REDIC1: variants seen among roughly 807,000 people sequenced by gnomAD.
REDIC1 encodes the protein HEI10 Interacting Protein 1.
chr12:39,637,815 G>A, the REDIC1 span, among the ~76,000 whole-genome samples: 1 of 151,774 alleles, frequency 6.6e-6, no homozygotes, highest in Non-Finnish European at 1.5e-5. Context: ...TACTACTTAG[G>A]GAATATAGTC....
the REDIC1 span, among the ~76,000 whole-genome samples, chr12:39,827,071 T>C: frequency 6.6e-6 from 1 of 151,816 alleles, no homozygotes; most frequent in South Asian, 2.1e-4. Context: ...TGTCCTCCTG[T>C]ATTTACCAAC....
the REDIC1 span, among the ~76,000 whole-genome samples, chr12:39,703,841 A>G: frequency 2.0e-5 from 3 of 152,326 alleles, no homozygotes; most frequent in East Asian, 5.8e-4. Flanking sequence ...TTCCCTATTT[A>G]ATAAATGGTG....
At chr12:39,713,823 A>G in the REDIC1 span, among the ~76,000 whole-genome samples, 2 of 146,812 alleles carry the variant, frequency 1.4e-5, no homozygotes, top group African/African-American at 4.9e-5. Flanking sequence ...ATATACGTGT[A>G]TACATGTATA....
At chr12:39,897,459 T>C in the REDIC1 span, among the ~76,000 whole-genome samples, 2 of 152,128 alleles carry the variant, frequency 1.3e-5, no homozygotes, top group Non-Finnish European at 2.9e-5. Context: ...GATGCAGATG[T>C]TTCAATGTTT....
At chr12:39,887,020 G>C in the REDIC1 span, among the ~76,000 whole-genome samples, 1 of 152,112 alleles carries the variant, frequency 6.6e-6, no homozygotes, top group Non-Finnish European at 1.5e-5. Flanking sequence ...TAACTCAACA[G>C]AATAGCTCTA....
At chr12:39,674,226 C>A in the REDIC1 span, among the ~76,000 whole-genome samples, 2 of 152,200 alleles carry the variant, frequency 1.3e-5, no homozygotes, top group South Asian at 4.1e-4. Context: ...AGGATAATAC[C>A]TGTCACTTTG....
chr12:39,878,130 G>C, the REDIC1 span, among the ~76,000 whole-genome samples: 3,113 of 152,274 alleles, frequency 0.02, 111 homozygotes, highest in African/African-American at 0.068. Flanking sequence ...AGCCTACATA[G>C]GAGTAAACCA....
chr12:39,835,475 T>C, the REDIC1 span, among the ~76,000 whole-genome samples: 2 of 152,100 alleles, frequency 1.3e-5, no homozygotes, highest in African/African-American at 4.8e-5. Context: ...TATGAAGATA[T>C]TTACATAAGG....
the REDIC1 span, chr12:39,650,451 A>G: frequency 6.8e-7 from 1 of 1,469,190 alleles, no homozygotes; most frequent in South Asian, 1.4e-5. This position sits in a 1 kb window ranked among gnomAD's most constrained non-coding sequence, Gnocchi z 4.3. Context: ...TTAGTTAAAA[A>G]TATAAACAGT....
At chr12:39,907,569 A>G in the REDIC1 span, 5 of 152,140 alleles carry the variant, frequency 3.3e-5, no homozygotes, top group Non-Finnish European at 7.4e-5. Flanking sequence ...TGATGTTTTA[A>G]TGGAAAAGTA....
the REDIC1 span, among the ~76,000 whole-genome samples, chr12:39,743,774 C>A: frequency 1.3e-5 from 2 of 151,738 alleles, no homozygotes; most frequent in Non-Finnish European, 2.9e-5. Flanking sequence ...ATAGAAACTT[C>A]CAAAACTAAA....
the REDIC1 span, among the ~76,000 whole-genome samples, chr12:39,874,336 G>A: frequency 7.9e-5 from 12 of 152,014 alleles, no homozygotes; most frequent in South Asian, 8.3e-4. Flanking sequence ...ATGAGGGGCC[G>A]GGCACGGTGG....
the REDIC1 span, among the ~76,000 whole-genome samples, chr12:39,724,150 A>T: frequency 6.6e-6 from 1 of 152,244 alleles, no homozygotes; most frequent in Admixed American, 6.6e-5. Flanking sequence ...TTTAAACAAT[A>T]TCTGATGGGA....
the REDIC1 span, among the ~76,000 whole-genome samples, chr12:39,841,414 A>C: frequency 1.3e-5 from 2 of 152,158 alleles, no homozygotes; most frequent in Non-Finnish European, 2.9e-5. Context: ...AGGAAGAAAA[A>C]GAGAGCTGTA....
the REDIC1 span, among the ~76,000 whole-genome samples, chr12:39,674,522 T>A: frequency 1.3e-5 from 2 of 152,124 alleles, no homozygotes; most frequent in African/African-American, 2.4e-5. Flanking sequence ...CTTTGAAAGA[T>A]GTGGCTTGCT....
the REDIC1 span, among the ~76,000 whole-genome samples, chr12:39,638,703 T>C: frequency 1.3e-5 from 2 of 152,054 alleles, no homozygotes; most frequent in South Asian, 4.1e-4. Flanking sequence ...ATCTAAAATG[T>C]TCTGTTTAAG....
the REDIC1 span, among the ~76,000 whole-genome samples, chr12:39,690,374 T>TAAAA: frequency 3.9e-4 from 59 of 152,214 alleles, no homozygotes; most frequent in African/African-American, 1.0e-3. Flanking sequence ...TAAAATACAA[T>TAAAA]TGTTAACATG....
chr12:39,676,540 TAATC>T, the REDIC1 span, among the ~76,000 whole-genome samples: 1 of 152,172 alleles, frequency 6.6e-6, no homozygotes, highest in African/African-American at 2.4e-5. Flanking sequence ...TTTGAGGTAA[TAATC>T]GAGGATAACT....
chr12:39,801,426 A>G, the REDIC1 span, among the ~76,000 whole-genome samples: 1 of 151,968 alleles, frequency 6.6e-6, no homozygotes, highest in Non-Finnish European at 1.5e-5. Context: ...AGCCATAAAC[A>G]AAAGAGAGTT....
Sources: gnomAD v4.1 joint callset for allele counts (sites outside exome capture counted in the v4.1 genomes callset) on GRCh38, gnomAD v4.1.1 for gene constraint, Gnocchi (gnomAD v3.1) non-coding constraint, MANE v1.5 for transcripts, NCBI Gene and HGNC (gene_info 2026-07-23, HGNC 2026-07-21) for gene names.